THRB: variants seen among roughly 807,000 people sequenced by gnomAD.
THRB encodes the protein nuclear receptor subfamily 1 group A member 2.
Under a neutral mutation model 47.8 loss-of-function variants are expected in THRB, and 12 were observed. That is an observed-to-expected ratio of 0.25 (90% CI 0.16 to 0.41). The LOEUF is 0.41. Among genes scored for constraint, THRB ranks in the 10% least tolerant of loss-of-function variants. THRB has a pLI of 1.00. For synonymous variants in THRB, 218 were observed against 212.2 expected, an observed-to-expected ratio of 1.03 and a Z score of -0.24; for missense variants, 348 against 589.2, an observed-to-expected ratio of 0.59 and a Z score of 4.24.
intron 1 of THRB, among the ~76,000 whole-genome samples, chr3:24,414,264 T>C (rs2068560917): frequency 6.6e-6 from 1 of 151,938 alleles, no homozygotes; most frequent in African/African-American, 2.4e-5. Context: ...GAATTCTTTA[T>C]ATTAATTCAG....
At chr3:24,398,855 T>A (rs559774582) in intron 1 of THRB, among the ~76,000 whole-genome samples, 8 of 152,144 alleles carry the variant, frequency 5.3e-5, no homozygotes, top group African/African-American at 1.7e-4. Context: ...TAGACTGGAT[T>A]AAGAAAATGT....
At chr3:24,208,318 T>C (rs868681654) in intron 4 of THRB, among the ~76,000 whole-genome samples, 4 of 152,132 alleles carry the variant, frequency 2.6e-5, no homozygotes, top group Admixed American at 6.5e-5. Flanking sequence ...AAGCTACCAA[T>C]GACTTTCTTC....
At chr3:24,360,745 C>A (rs921091925) in intron 1 of THRB, among the ~76,000 whole-genome samples, 2 of 151,998 alleles carry the variant, frequency 1.3e-5, no homozygotes, top group Non-Finnish European at 2.9e-5. Context: ...ATTCTATATC[C>A]GGTATAGTTG....
At chr3:24,269,359 G>A (rs1258009081) in intron 3 of THRB, among the ~76,000 whole-genome samples, 3 of 136,242 alleles carry the variant, frequency 2.2e-5, no homozygotes, top group African/African-American at 8.5e-5. Flanking sequence ...GGAGTGCAGC[G>A]ACACCATCAT....
chr3:24,478,856 A>G (rs1218481442), intron 1 of THRB, among the ~76,000 whole-genome samples: 4 of 152,178 alleles, frequency 2.6e-5, no homozygotes, highest in Non-Finnish European at 5.9e-5. Flanking sequence ...ACTAAAGTCT[A>G]AACAGTGGTT....
chr3:24,433,712 G>A lies in THRB; in HGVS notation c.-261+60940C>T, dbSNP rs187513848. 4.0e-3 allele frequency among the ~76,000 whole-genome samples: 613 copies of A among 152,210 alleles called. 1 individual carries two copies. The highest frequency in any genetic ancestry group is 6.5e-3 in the Non-Finnish European group (440 of 68,002). On this transcript the variant is annotated intron_variant, in intron 1 of 10. Coordinates refer to ENST00000646209, the MANE Select transcript of THRB (RefSeq NM_001354712.2). ...ATCAAATGAAATAAACCAGTAAAAA[G>A]TTCTTGGCTTCTATTACTATTATCA...
At chr3:24,351,930 G>C (rs1018867849) in intron 1 of THRB, among the ~76,000 whole-genome samples, 1 of 152,180 alleles carries the variant, frequency 6.6e-6, no homozygotes, top group Non-Finnish European at 1.5e-5. Flanking sequence ...AGATGGGAGA[G>C]AGTGAGCCAG....
chr3:24,490,275 T>G (rs1182588174), intron 1 of THRB, among the ~76,000 whole-genome samples: 1 of 152,196 alleles, frequency 6.6e-6, no homozygotes, highest in African/African-American at 2.4e-5. Context: ...TAACTTGCCA[T>G]CCATTGCTCA....
intron 3 of THRB, among the ~76,000 whole-genome samples, chr3:24,247,849 C>T (rs1344899548): frequency 1.3e-5 from 2 of 152,140 alleles, no homozygotes; most frequent in Non-Finnish European, 2.9e-5. Context: ...GCAAAAATCA[C>T]ATCTATGGGA....
chr3:24,320,125 T>G (rs1298718943), intron 2 of THRB, among the ~76,000 whole-genome samples: 1 of 152,082 alleles, frequency 6.6e-6, no homozygotes, highest in Admixed American at 6.6e-5. Context: ...AGAATAATGC[T>G]AAAACCCTCC....
chr3:24,354,878 T>C (rs1432354211), intron 1 of THRB, among the ~76,000 whole-genome samples: 3 of 152,052 alleles, frequency 2.0e-5, no homozygotes, highest in African/African-American at 7.2e-5. Flanking sequence ...TCCACATTGA[T>C]ACAGATAAAT....
rs370170615 is a variant in THRB, at chr3:24,465,293, G to A, written c.-261+29359C>T. Among the ~76,000 whole-genome samples, 17 of 152,238 alleles carry A rather than the reference G, an allele frequency of 1.1e-4. No homozygotes were observed. The South Asian group carries it at 3.5e-3, about 32-fold the overall frequency. On this transcript the variant is annotated intron_variant, in intron 1 of 10. Transcript: ENST00000646209. ...GTCTATTGTTGCTAATGAAAAGTTA[G>A]CTGGCTATTTAATTGATTTCTTTGC...
intron 2 of THRB, among the ~76,000 whole-genome samples, chr3:24,306,765 C>A (rs1296833137): frequency 6.6e-6 from 1 of 152,214 alleles, no homozygotes; most frequent in African/African-American, 2.4e-5. Flanking sequence ...ATGTGATACA[C>A]AACCCTGTAA....
At chr3:24,405,253 C>T (rs1372912911) in intron 1 of THRB, among the ~76,000 whole-genome samples, 3 of 151,906 alleles carry the variant, frequency 2.0e-5, no homozygotes, top group Admixed American at 6.6e-5. Context: ...CTATTGCAGG[C>T]GTTGGCACGC....
chr3:24,155,364 A>G (rs1279373730), intron 5 of THRB, among the ~76,000 whole-genome samples: 1 of 152,212 alleles, frequency 6.6e-6, no homozygotes, highest in Non-Finnish European at 1.5e-5. Flanking sequence ...ACATGATCAT[A>G]CTAGTGCACC....
rs112260085 is a variant in THRB at position 24,377,509 on chromosome 3, G to A, written c.-260-40138C>T. On this transcript the variant is annotated intron_variant, in intron 1 of 10. Transcript: ENST00000646209. ...GTTCTAGGGATGGGGAAATAGAGAT[G>A]TGGCTGTGGTGATTTCATTTGTGCC... Among the ~76,000 whole-genome samples, 1,140 of 152,276 alleles carry A rather than the reference G, an allele frequency of 7.5e-3. 9 individuals are homozygous for A. The highest frequency in any genetic ancestry group is 0.025 in the African/African-American group (1,038 of 41,556).
chr3:24,460,960 T>TA (rs1342999792), intron 1 of THRB, among the ~76,000 whole-genome samples: 2 of 152,182 alleles, frequency 1.3e-5, no homozygotes, highest in East Asian at 3.8e-4. Flanking sequence ...CCCAGAAGTA[T>TA]AAGAGCCTCA....
In THRB at chr3:24,122,110, A is replaced by G. The variant is rs2031792197; in HGVS notation, c.*774T>C. On this transcript the variant is annotated 3_prime_UTR_variant, in exon 11 of 11. Coordinates refer to ENST00000646209, the MANE Select transcript of THRB (RefSeq NM_001354712.2). ...GCCTAAATGGGAAAGAAGCCTTCCTACTGTGAGGTAATACTATGTGAATTT... is the reference window on the plus strand; with the variant it reads ...GCCTAAATGGGAAAGAAGCCTTCCTGCTGTGAGGTAATACTATGTGAATTT... The G allele has an allele frequency of 6.5e-6, 1 of 152,674 alleles. No homozygotes were observed. The highest frequency in any genetic ancestry group is 1.9e-4 in the East Asian group (1 of 5,196). 9.5% of individuals were successfully genotyped at this position (152,674 alleles called of 1,614,324 possible).
intron 8 of THRB, among the ~76,000 whole-genome samples, chr3:24,135,737 A>T (rs9869033): frequency 7.7e-4 from 116 of 150,820 alleles, no homozygotes; most frequent in African/African-American, 2.7e-3. Flanking sequence ...GGCTCATCTC[A>T]CTGACCTTGT....
Sources: allele counts gnomAD v4.1 joint callset (sites outside exome capture counted in the v4.1 genomes callset), GRCh38; gene constraint gnomAD v4.1.1; transcripts MANE v1.5; gene names NCBI Gene and HGNC (gene_info 2026-07-23, HGNC 2026-07-21).